The following PTPRG variants were observed in gnomAD, a reference collection of about 807,000 sequenced individuals.
PTPRG encodes receptor-type tyrosine-protein phosphatase gamma.
In PTPRG, 102 loss-of-function variants were observed where a neutral mutation model predicts 165.3. The observed-to-expected ratio is 0.62, with a 90% confidence interval of 0.53 to 0.73. PTPRG has a LOEUF of 0.73. Ranked by LOEUF, PTPRG falls within the 30% of genes least tolerant of loss-of-function variation. PTPRG has a pLI of 0.00. For synonymous variants in PTPRG, 675 were observed against 669.5 expected, an observed-to-expected ratio of 1.01 and a Z score of -0.13; for missense variants, 1,866 against 1,861.4, an observed-to-expected ratio of 1.00 and a Z score of -0.05.
chr3:61,825,782 A>G (rs1336293359), intron 2 of PTPRG, among the ~76,000 whole-genome samples: 1 of 151,308 alleles, frequency 6.6e-6, no homozygotes, highest in African/African-American at 2.4e-5. Context: ...GTAGCTGAAG[A>G]CTAGAGCTGT....
chr3:61,711,942 G>C (rs911239886), intron 1 of PTPRG, among the ~76,000 whole-genome samples: 7 of 146,768 alleles, frequency 4.8e-5, no homozygotes, highest in Non-Finnish European at 7.4e-5. Context: ...TGCCCAGGCT[G>C]GAGTGCAATG....
chr3:62,072,299 G>T (rs1701233787), intron 4 of PTPRG, among the ~76,000 whole-genome samples: 1 of 152,086 alleles, frequency 6.6e-6, no homozygotes, highest in Non-Finnish European at 1.5e-5. Context: ...CATGTTTCCT[G>T]GTCGATGATG....
intron 2 of PTPRG, among the ~76,000 whole-genome samples, chr3:61,892,275 G>A (rs774792299): frequency 4.6e-5 from 7 of 152,168 alleles, no homozygotes; most frequent in Non-Finnish European, 7.3e-5. Flanking sequence ...TGCCCAGGCT[G>A]GAGTGCAGTG....
At chr3:61,792,670 TTCTTTCTTTCTTTCTTTCTTTC>T (rs2034914088) in intron 2 of PTPRG, among the ~76,000 whole-genome samples, 1 of 60 alleles carries the variant, frequency 0.017, no homozygotes, top group African/African-American at 0.062. Flanking sequence ...TTTGTGGGTT[TTCTTTCTTTCTTTCTTTCTTTC>T]TTTCTTTCTT....
intron 4 of PTPRG, among the ~76,000 whole-genome samples, chr3:62,073,891 T>C (rs1190405131): frequency 6.6e-6 from 1 of 152,120 alleles, no homozygotes; most frequent in Non-Finnish European, 1.5e-5. Context: ...GAGGTCAGTG[T>C]AAAAAGACAG....
intron 5 of PTPRG, among the ~76,000 whole-genome samples, chr3:62,126,898 G>A (rs900656360): frequency 7.9e-5 from 12 of 152,114 alleles, no homozygotes; most frequent in Non-Finnish European, 1.3e-4. Context: ...TCTGCTTTTT[G>A]TAATATCACA....
At chr3:62,186,161 T>G (rs1705874604) in intron 8 of PTPRG, among the ~76,000 whole-genome samples, 1 of 152,132 alleles carries the variant, frequency 6.6e-6, no homozygotes, top group African/African-American at 2.4e-5. Context: ...TTTTGTTCCC[T>G]CTGTAGACTG....
chr3:62,246,782 A>G (rs1701297664), intron 15 of PTPRG, among the ~76,000 whole-genome samples: 1 of 152,156 alleles, frequency 6.6e-6, no homozygotes, highest in Non-Finnish European at 1.5e-5. Flanking sequence ...TACCCATTCA[A>G]TCTCAGTTAT....
intron 2 of PTPRG, among the ~76,000 whole-genome samples, chr3:61,765,596 G>A (rs1309969489): frequency 6.6e-6 from 1 of 152,162 alleles, no homozygotes; most frequent in Admixed American, 6.5e-5. Flanking sequence ...GCAGGGAATA[G>A]CAGTTTCTTA....
chr3:61,753,181 T>C (rs2033510274), intron 2 of PTPRG, among the ~76,000 whole-genome samples: 1 of 152,188 alleles, frequency 6.6e-6, no homozygotes, highest in South Asian at 2.1e-4. Context: ...GAAAACATCA[T>C]AGAAGGTATG....
chr3:62,027,219 T>G (rs1236847093), intron 4 of PTPRG, among the ~76,000 whole-genome samples: 1 of 152,182 alleles, frequency 6.6e-6, no homozygotes, highest in Non-Finnish European at 1.5e-5. Flanking sequence ...AATCACTAAC[T>G]GATAGTGTGG....
At chr3:61,679,360 G>T (rs1264878093) in intron 1 of PTPRG, among the ~76,000 whole-genome samples, 6 of 152,136 alleles carry the variant, frequency 3.9e-5, no homozygotes, top group African/African-American at 1.2e-4. Flanking sequence ...CAGAGGACTT[G>T]GTGGTGTTTT....
At chr3:61,676,584 C>T (rs1441723489) in intron 1 of PTPRG, among the ~76,000 whole-genome samples, 2 of 151,178 alleles carry the variant, frequency 1.3e-5, no homozygotes, top group African/African-American at 4.9e-5. Flanking sequence ...TTTAGTGTAT[C>T]AAGTAATTTT....
At chr3:62,238,864 G>C (rs565657402) in intron 14 of PTPRG, among the ~76,000 whole-genome samples, 1 of 152,286 alleles carries the variant, frequency 6.6e-6, no homozygotes, top group African/African-American at 2.4e-5. Context: ...TAAAGTGTCA[G>C]AAAGATATAT....
At chr3:62,068,355 G>A (rs919956455) in intron 4 of PTPRG, among the ~76,000 whole-genome samples, 2 of 152,152 alleles carry the variant, frequency 1.3e-5, no homozygotes, top group Admixed American at 6.5e-5. Context: ...CCAGTCACTG[G>A]AACTTGCTCC....
intron 2 of PTPRG, among the ~76,000 whole-genome samples, chr3:61,833,186 T>G (rs1041280558): frequency 7.9e-5 from 12 of 152,054 alleles, no homozygotes; most frequent in South Asian, 2.1e-4. Context: ...TAGCCTGAGG[T>G]GCAGGTAGAG....
intron 2 of PTPRG, among the ~76,000 whole-genome samples, chr3:61,885,089 A>C (rs1031969330): frequency 6.6e-6 from 1 of 152,120 alleles, no homozygotes; most frequent in African/African-American, 2.4e-5. Flanking sequence ...GCACCCTGCC[A>C]ATTTGAAAAT....
chr3:62,149,570 A>G (rs1255556668), intron 6 of PTPRG, among the ~76,000 whole-genome samples: 1 of 152,032 alleles, frequency 6.6e-6, no homozygotes, highest in Non-Finnish European at 1.5e-5. Context: ...GCGCCCGGCC[A>G]TCTTCGTTCT....
intron 1 of PTPRG, among the ~76,000 whole-genome samples, chr3:61,681,261 A>G (rs1703432233): frequency 6.6e-6 from 1 of 152,202 alleles, no homozygotes; most frequent in Non-Finnish European, 1.5e-5. Flanking sequence ...TAGGCAGTTA[A>G]TAATGCCACA....
Sources: allele counts gnomAD v4.1 joint callset (sites outside exome capture counted in the v4.1 genomes callset), GRCh38; gene constraint gnomAD v4.1.1; transcripts MANE v1.5; gene names NCBI Gene and HGNC (gene_info 2026-07-23, HGNC 2026-07-21).